UVRAG: variants seen among roughly 807,000 people sequenced by gnomAD.
The protein encoded by UVRAG is UV radiation resistance-associated gene protein.
A neutral mutation model predicts 78.0 loss-of-function variants in UVRAG; 19 were observed. The ratio of observed to expected loss-of-function variants is 0.24; its 90% CI spans 0.17 to 0.36. The LOEUF (loss-of-function observed/expected upper bound fraction) is 0.36, where lower values mean the gene tolerates loss of function less well. UVRAG is among the 10% of genes least tolerant of loss of function. The pLI is 1.00. For synonymous variants in UVRAG, 323 were observed against 324.6 expected, an observed-to-expected ratio of 1.00 and a Z score of 0.05; for missense variants, 740 against 853.8, an observed-to-expected ratio of 0.87 and a Z score of 1.66.
intron 1 of UVRAG, among the ~76,000 whole-genome samples, chr11:75,842,300 T>A (rs1036409495): frequency 1.3e-5 from 2 of 152,132 alleles, no homozygotes; most frequent in Admixed American, 6.5e-5. Flanking sequence ...GGCAACCAAG[T>A]TTGGAAACTG....
intron 12 of UVRAG, among the ~76,000 whole-genome samples, chr11:76,027,605 ATGCCACTAGGT>A (rs1950352035): frequency 6.6e-6 from 1 of 152,052 alleles, no homozygotes; most frequent in Non-Finnish European, 1.5e-5. Flanking sequence ...CTATGTCACT[ATGCCACTAGGT>A]TGTTGTAAGG....
rs1026454378 is a variant in UVRAG at position 76,051,762 on chromosome 11, A to G, written c.1227-13948A>G. The stretch of plus-strand genomic sequence containing the variant: ...TTGGGGTGATATTTTATTTCCTGTT[A>G]TATCAAATTTAACCTCTTTTGGTTG... On this transcript the variant is annotated intron_variant, in intron 12 of 14. Coordinates refer to ENST00000356136, the MANE Select transcript of UVRAG (RefSeq NM_003369.4). Among the ~76,000 whole-genome samples the G allele has an allele frequency of 2.6e-5, 4 of 152,046 alleles. No homozygotes were observed. The East Asian group carries it at 7.7e-4, about 29-fold the overall frequency.
intron 10 of UVRAG, among the ~76,000 whole-genome samples, chr11:76,008,247 G>A (rs1305842770): frequency 6.6e-6 from 1 of 152,056 alleles, no homozygotes; most frequent in Non-Finnish European, 1.5e-5. Flanking sequence ...GCAAATATAT[G>A]TGCACTGCTT....
intron 13 of UVRAG, among the ~76,000 whole-genome samples, chr11:76,068,919 A>C (rs1208261518): frequency 6.6e-6 from 1 of 152,214 alleles, no homozygotes. Context: ...AACAAATCAT[A>C]CTATTAAAAT....
At chr11:76,044,098 GC>G (rs1294990356) in intron 12 of UVRAG, among the ~76,000 whole-genome samples, 2 of 152,188 alleles carry the variant, frequency 1.3e-5, no homozygotes, top group African/African-American at 4.8e-5. Context: ...CTGGATTGTG[GC>G]CCTCATGGTC....
chr11:76,003,782 G>A (rs867134206), intron 8 of UVRAG, among the ~76,000 whole-genome samples: 1 of 152,072 alleles, frequency 6.6e-6, no homozygotes, highest in South Asian at 2.1e-4. Flanking sequence ...GAGAGTCTTA[G>A]GCGTATACTC....
intron 12 of UVRAG, among the ~76,000 whole-genome samples, chr11:76,043,820 T>G (rs1202190238): frequency 6.6e-6 from 1 of 152,194 alleles, no homozygotes; most frequent in African/African-American, 2.4e-5. Flanking sequence ...AGTCTTTGGT[T>G]AAAAATACAC....
intron 1 of UVRAG, 49 bp from the exon 2 acceptor site, chr11:75,851,834 A>G (rs1290617199): frequency 2.7e-6 from 4 of 1,469,776 alleles, no homozygotes; most frequent in South Asian, 1.2e-5. Flanking sequence ...AGAAAATTTT[A>G]TAGGAGGAAA....
intron 12 of UVRAG, among the ~76,000 whole-genome samples, chr11:76,053,401 G>A (rs770968433): frequency 2.0e-5 from 3 of 150,964 alleles, no homozygotes; most frequent in Admixed American, 6.6e-5. Context: ...CACAGATACC[G>A]CCATCTGCCT....
At chr11:76,134,643 G>T (rs1175957772) in intron 14 of UVRAG, among the ~76,000 whole-genome samples, 3 of 152,198 alleles carry the variant, frequency 2.0e-5, no homozygotes, top group East Asian at 3.9e-4. Context: ...TCTCAGTTGC[G>T]CCTTCTGTAA....
intron 12 of UVRAG, among the ~76,000 whole-genome samples, chr11:76,028,527 TGAAA>T (rs1950373727): frequency 6.6e-6 from 1 of 152,250 alleles, no homozygotes; most frequent in Admixed American, 6.5e-5. Context: ...GAAAAGTCCT[TGAAA>T]GAAATTAAAA....
intron 6 of UVRAG, among the ~76,000 whole-genome samples, chr11:75,934,686 A>T (rs1045709327): frequency 1.3e-5 from 2 of 152,132 alleles, no homozygotes; most frequent in African/African-American, 4.8e-5. Context: ...ATAACTCCCT[A>T]GTTACAAAAA....
intron 1 of UVRAG, among the ~76,000 whole-genome samples, chr11:75,836,773 A>G (rs1945785857): frequency 6.6e-6 from 1 of 152,200 alleles, no homozygotes; most frequent in African/African-American, 2.4e-5. Context: ...AAACTTTAAC[A>G]TGCTAACTTC....
At chr11:75,874,260 G>A (rs1348321195) in intron 3 of UVRAG, among the ~76,000 whole-genome samples, 1 of 150,344 alleles carries the variant, frequency 6.7e-6, no homozygotes, top group Non-Finnish European at 1.5e-5. Flanking sequence ...TTGTAATTTG[G>A]TAGAAAGAGA....
chr11:75,974,891 A>G (rs1195238156), intron 7 of UVRAG, among the ~76,000 whole-genome samples: 1 of 152,030 alleles, frequency 6.6e-6, no homozygotes, highest in Non-Finnish European at 1.5e-5. Flanking sequence ...ATTAGATCCC[A>G]TTTGTCAATT....
intron 13 of UVRAG, among the ~76,000 whole-genome samples, chr11:76,075,486 G>A (rs1025657475): frequency 4.6e-5 from 7 of 151,922 alleles, no homozygotes; most frequent in South Asian, 2.1e-4. Context: ...GGTTGCAGTC[G>A]CCTGTAATCC....
intron 8 of UVRAG, among the ~76,000 whole-genome samples, chr11:76,000,340 C>T (rs141982871): frequency 2.0e-5 from 3 of 152,302 alleles, no homozygotes; most frequent in African/African-American, 7.2e-5. Flanking sequence ...TGGTGGCTCA[C>T]ATGTGTAGTC....
intron 12 of UVRAG, among the ~76,000 whole-genome samples, chr11:76,040,871 A>G (rs1322092525): frequency 1.3e-5 from 2 of 152,118 alleles, no homozygotes; most frequent in Non-Finnish European, 2.9e-5. Context: ...CTGGATTTTA[A>G]AATGCAAGTG....
chr11:76,065,810 C>A (rs572412182), intron 13 of UVRAG, 22 bp downstream of exon 13: 3 of 1,606,954 alleles, frequency 1.9e-6, no homozygotes, highest in Middle Eastern at 1.7e-4. Flanking sequence ...TTCTTCACTT[C>A]TCTCCTACTT....
Sources: gnomAD v4.1 joint callset for allele counts (sites outside exome capture counted in the v4.1 genomes callset) on GRCh38, gnomAD v4.1.1 for gene constraint, MANE v1.5 for transcripts, NCBI Gene and HGNC (gene_info 2026-07-23, HGNC 2026-07-21) for gene names.